Variants in CEP63 observed in about 807,000 individuals in gnomAD.
CEP63 encodes the protein centrosomal protein 63.
CEP63 carries 84 observed loss-of-function variants against 89.1 expected under a neutral mutation model. That is an observed-to-expected ratio of 0.94 (90% CI 0.79 to 1.13). The LOEUF (loss-of-function observed/expected upper bound fraction) is 1.13. CEP63 is among the 50% of genes most tolerant of loss of function. The probability of loss-of-function intolerance (pLI) is 0.00; values close to 1 mark genes in which losing one functional copy is unlikely to be tolerated. For synonymous variants in CEP63, 267 were observed against 272.5 expected, an observed-to-expected ratio of 0.98 and a Z score of 0.20; for missense variants, 838 against 813.3, an observed-to-expected ratio of 1.03 and a Z score of -0.37.
At chr3:134,524,271 TAAG>T (rs1394115703) in intron 3 of CEP63, among the ~76,000 whole-genome samples, 3 of 152,196 alleles carry the variant, frequency 2.0e-5, no homozygotes, top group Non-Finnish European at 4.4e-5. Flanking sequence ...TTTATCAGCT[TAAG>T]GAGCTTTTGG....
chr3:134,547,267 G>A (rs769173505), intron 8 of CEP63, 68 bp from the exon 9 acceptor site: 14 of 1,450,106 alleles, frequency 9.7e-6, no homozygotes, highest in Non-Finnish European at 1.4e-5. Flanking sequence ...GGGAAACACA[G>A]ACTAGATGAG....
At chr3:134,582,339 T>C (rs4955499) in intron 10 of CEP63, among the ~76,000 whole-genome samples, 150,875 of 151,388 alleles carry the variant, frequency 1, 75,186 homozygotes, top group Middle Eastern at 1. Flanking sequence ...AGTCCCCCAT[T>C]CCCCTACAGG....
intron 3 of CEP63, among the ~76,000 whole-genome samples, chr3:134,528,778 G>A (rs940218803): frequency 6.6e-6 from 1 of 152,042 alleles, no homozygotes; most frequent in Non-Finnish European, 1.5e-5. Flanking sequence ...CATTTCTGCT[G>A]AGCATTGCAG....
intron 3 of CEP63, among the ~76,000 whole-genome samples, chr3:134,523,177 A>G (rs1177599843): frequency 6.6e-6 from 1 of 151,878 alleles, no homozygotes; most frequent in African/African-American, 2.4e-5. Flanking sequence ...TTTTTATATG[A>G]TTGTTGGCTG....
the CEP63 span, among the ~76,000 whole-genome samples, chr3:134,641,866 G>T: frequency 2.8e-3 from 424 of 152,294 alleles, 2 homozygotes; most frequent in African/African-American, 9.7e-3. Context: ...AGGGGCCTTT[G>T]TCTGTCTTCT....
chr3:134,753,670 G>A, the CEP63 span, among the ~76,000 whole-genome samples: 1 of 152,228 alleles, frequency 6.6e-6, no homozygotes, highest in African/African-American at 2.4e-5. Context: ...ATCTCAGGCT[G>A]GGAGTTTGCA....
intron 1 of CEP63, among the ~76,000 whole-genome samples, chr3:134,490,536 C>A (rs1438650641): frequency 6.6e-6 from 1 of 151,822 alleles, no homozygotes; most frequent in East Asian, 1.9e-4. Flanking sequence ...GTTAGCCTAT[C>A]AAGTTGATAT....
At chr3:134,747,025 A>G in the CEP63 span, among the ~76,000 whole-genome samples, 2 of 152,182 alleles carry the variant, frequency 1.3e-5, no homozygotes, top group East Asian at 3.9e-4. Flanking sequence ...GGTATTGCCT[A>G]GGTTTTCTTC....
At chr3:134,699,618 T>G in the CEP63 span, among the ~76,000 whole-genome samples, 27 of 152,246 alleles carry the variant, frequency 1.8e-4, no homozygotes, top group African/African-American at 6.5e-4. Context: ...GCTCCTTGTC[T>G]GTCTGCCTTG....
intron 6 of CEP63, among the ~76,000 whole-genome samples, chr3:134,541,312 C>G (rs1188679821): frequency 3.3e-5 from 5 of 151,804 alleles, no homozygotes; most frequent in Non-Finnish European, 7.4e-5. Flanking sequence ...AAAGTCTTAC[C>G]TAAGTCAAAT....
At chr3:134,740,200 C>A in the CEP63 span, among the ~76,000 whole-genome samples, 2 of 152,138 alleles carry the variant, frequency 1.3e-5, no homozygotes, top group African/African-American at 4.8e-5. Flanking sequence ...ATTTATCTTG[C>A]TCTTCTCGCT....
At chr3:134,745,995 C>T in the CEP63 span, among the ~76,000 whole-genome samples, 1 of 150,630 alleles carries the variant, frequency 6.6e-6, no homozygotes, top group Non-Finnish European at 1.5e-5. Context: ...TATACATGTG[C>T]CATGTTGGTT....
chr3:134,781,675 T>C, the CEP63 span, among the ~76,000 whole-genome samples: 290 of 152,366 alleles, frequency 1.9e-3, 4 homozygotes, highest in Non-Finnish European at 5.1e-4. Context: ...TGCTGCATTG[T>C]TAAAAAATTA....
At chr3:134,654,941 T>C in the CEP63 span, among the ~76,000 whole-genome samples, 5 of 152,156 alleles carry the variant, frequency 3.3e-5, no homozygotes, top group Non-Finnish European at 7.4e-5. Flanking sequence ...CCTGCTCTTG[T>C]CCCACACCCA....
chr3:134,494,256 A>G (rs1938902931), intron 1 of CEP63, among the ~76,000 whole-genome samples: 1 of 150,756 alleles, frequency 6.6e-6, no homozygotes, highest in Non-Finnish European at 1.5e-5. Flanking sequence ...CTGGAACTAC[A>G]GGTGCATGCC....
intron 6 of CEP63, among the ~76,000 whole-genome samples, chr3:134,541,427 A>C (rs2109388822): frequency 6.6e-6 from 1 of 152,060 alleles, no homozygotes; most frequent in Middle Eastern, 3.4e-3. Flanking sequence ...ATGGTTATAT[A>C]ATTTACTGAC....
the CEP63 span, chr3:134,651,163 C>A: frequency 7.0e-7 from 1 of 1,428,498 alleles, no homozygotes; most frequent in Non-Finnish European, 9.2e-7. Flanking sequence ...AGGGCGCTAC[C>A]CTAATGAAGC....
At chr3:134,724,003 A>G in the CEP63 span, among the ~76,000 whole-genome samples, 1 of 152,158 alleles carries the variant, frequency 6.6e-6, no homozygotes, top group East Asian at 1.9e-4. Flanking sequence ...GTGACATGAA[A>G]ATCCAGTATC....
the CEP63 span, among the ~76,000 whole-genome samples, chr3:134,744,101 T>C: frequency 1 from 152,132 of 152,282 alleles, 75,991 homozygotes; most frequent in Middle Eastern, 1. Flanking sequence ...AGAATCCCAA[T>C]GGGAAATAAC....
Sources: allele counts gnomAD v4.1 joint callset (sites outside exome capture counted in the v4.1 genomes callset), GRCh38; gene constraint gnomAD v4.1.1; transcripts MANE v1.5; gene names NCBI Gene and HGNC (gene_info 2026-07-23, HGNC 2026-07-21).